SMAD9: variants seen among roughly 807,000 people sequenced by gnomAD.
SMAD9 encodes MAD homolog 9.
A neutral mutation model predicts 46.1 loss-of-function variants in SMAD9; 36 were observed. That is an observed-to-expected ratio of 0.78 (90% CI 0.60 to 1.03). The LOEUF is 1.03. Ranked by LOEUF, SMAD9 falls within the 50% of genes least tolerant of loss-of-function variation. SMAD9 has a pLI of 0.00. For synonymous variants in SMAD9, 245 were observed against 237.1 expected, an observed-to-expected ratio of 1.03 and a Z score of -0.31; for missense variants, 572 against 599.8, an observed-to-expected ratio of 0.95 and a Z score of 0.48.
At chr13:36,869,405 A>G (rs1441547801) in intron 3 of SMAD9, among the ~76,000 whole-genome samples, 5 of 152,074 alleles carry the variant, frequency 3.3e-5, no homozygotes, top group Admixed American at 2.0e-4. Context: ...TATTTTTAGT[A>G]GAGACAGGGT....
chr13:36,861,278 A>G (rs900064313), intron 5 of SMAD9, among the ~76,000 whole-genome samples: 2 of 152,174 alleles, frequency 1.3e-5, no homozygotes, highest in South Asian at 2.1e-4. Context: ...ATTGATATCT[A>G]CTGGGTAGGG....
chr13:36,856,798 C>CTTTTTTTT (rs34107763), intron 5 of SMAD9, among the ~76,000 whole-genome samples: 1 of 123,434 alleles, frequency 8.1e-6, no homozygotes, highest in African/African-American at 3.3e-5. Flanking sequence ...GTGACCTGCA[C>CTTTTTTTT]TTTTTTTTTT....
chr13:36,879,910 CG>C, intron 1 of SMAD9, 35 bp from the exon 2 acceptor site: 1 of 579,752 alleles, frequency 1.7e-6, no homozygotes, highest in South Asian at 2.0e-5. Context: ...TTAGCTTAAT[CG>C]GAGTAACATT....
At chr13:36,909,956 G>A (rs554410304) in intron 1 of SMAD9, among the ~76,000 whole-genome samples, 3 of 152,280 alleles carry the variant, frequency 2.0e-5, no homozygotes, top group East Asian at 3.9e-4. Flanking sequence ...CCAGCATTTT[G>A]GGAGGCCGAG....
intron 1 of SMAD9, among the ~76,000 whole-genome samples, chr13:36,882,227 CTG>C (rs61006734): frequency 0.024 from 3,625 of 149,360 alleles, 67 homozygotes; most frequent in East Asian, 0.055. Flanking sequence ...CAGGTATGTG[CTG>C]TGTGTGTGTG....
intron 1 of SMAD9, among the ~76,000 whole-genome samples, chr13:36,883,750 C>CA (rs2058423005): frequency 6.6e-6 from 1 of 152,148 alleles, no homozygotes; most frequent in Non-Finnish European, 1.5e-5. Context: ...GACCCTGTCT[C>CA]AAAAAATAAT....
intron 2 of SMAD9, among the ~76,000 whole-genome samples, chr13:36,877,277 G>A (rs906572476): frequency 7.9e-5 from 12 of 152,170 alleles, no homozygotes; most frequent in African/African-American, 2.4e-4. Context: ...CAGGAGAATC[G>A]CTTGAACTGG....
intron 2 of SMAD9, among the ~76,000 whole-genome samples, chr13:36,874,077 G>C (rs1356752846): frequency 6.6e-6 from 1 of 152,190 alleles, no homozygotes; most frequent in Non-Finnish European, 1.5e-5. Flanking sequence ...GCATAAAGTA[G>C]CTACTCCAAA....
intron 2 of SMAD9, among the ~76,000 whole-genome samples, chr13:36,873,290 A>C (rs1323210337): frequency 6.6e-6 from 1 of 152,140 alleles, no homozygotes; most frequent in Non-Finnish European, 1.5e-5. Context: ...TGGCAACCTG[A>C]TTGTTACGTC....
intron 5 of SMAD9, among the ~76,000 whole-genome samples, chr13:36,853,928 G>A (rs2058098331): frequency 6.6e-6 from 1 of 152,182 alleles, no homozygotes; most frequent in Non-Finnish European, 1.5e-5. Context: ...GAAGCCCGAC[G>A]TGGGCAGATC....
chr13:36,868,620 C>A (rs1218566912), intron 3 of SMAD9, among the ~76,000 whole-genome samples: 1 of 152,048 alleles, frequency 6.6e-6, no homozygotes, highest in Non-Finnish European at 1.5e-5. Context: ...CACCTGTAAT[C>A]CTAGCTACTC....
At chr13:36,917,989 GTAAAGA>G (rs1196461782) in intron 1 of SMAD9, among the ~76,000 whole-genome samples, 1 of 123,876 alleles carries the variant, frequency 8.1e-6, no homozygotes, top group East Asian at 2.3e-4. Context: ...CACATGATTA[GTAAAGA>G]TAGTGTACCA....
At chr13:36,897,849 CTTTTTTTTT>C (rs574741770) in intron 1 of SMAD9, among the ~76,000 whole-genome samples, 1 of 90,018 alleles carries the variant, frequency 1.1e-5, no homozygotes, top group African/African-American at 4.4e-5. Context: ...TGTCCTGTGT[CTTTTTTTTT>C]TTTTTTTTTT....
At chr13:36,907,924 C>T (rs1258720386) in intron 1 of SMAD9, among the ~76,000 whole-genome samples, 1 of 152,148 alleles carries the variant, frequency 6.6e-6, no homozygotes, top group African/African-American at 2.4e-5. Context: ...AGGTAAAATG[C>T]TGGGAAATCT....
intron 5 of SMAD9, among the ~76,000 whole-genome samples, chr13:36,863,768 G>T (rs548337752): frequency 4.6e-5 from 7 of 152,222 alleles, no homozygotes; most frequent in Non-Finnish European, 8.8e-5. Flanking sequence ...GCCTTACACA[G>T]TGATTTTCAG....
chr13:36,884,942 G>C (rs1158286873), intron 1 of SMAD9, among the ~76,000 whole-genome samples: 1 of 152,204 alleles, frequency 6.6e-6, no homozygotes, highest in Non-Finnish European at 1.5e-5. Flanking sequence ...GCACTTGTTT[G>C]TTCTGCGAGG....
rs1205054074 is a variant in SMAD9 at position 36,865,753 on chromosome 13, G to C, written c.787C>G (p.Arg263Gly). Reference protein sequence around the residue: ...VVLSIPNGDFRPVCYEEPQHW... With the variant: ...VVLSIPNGDFGPVCYEEPQHW... ...TGGGGCTCCTCGTAACAAACTGGTC[G>C]AAAGTCTGGAAGAAAACAAACCAGA... is the stretch of plus-strand genomic sequence containing the variant. The change falls in exon 5 of 7, where the codon CGA becomes GGA. Residue 263 changes from arginine (R) to glycine (G), a missense_variant. Physicochemically the swap from Arg to Gly is moderately radical, Grantham distance 125 (BLOSUM62 -2). Coordinates refer to ENST00000379826, the MANE Select transcript of SMAD9 (RefSeq NM_001127217.3). The C allele has an allele frequency of 2.5e-6, 4 of 1,613,426 alleles. No individual in the cohort carries two copies. The highest frequency in any genetic ancestry group is 1.1e-5 in the South Asian group (1 of 90,992).
At chr13:36,861,320 A>AT (rs879623278) in intron 5 of SMAD9, among the ~76,000 whole-genome samples, 112 of 147,574 alleles carry the variant, frequency 7.6e-4, no homozygotes, top group South Asian at 2.4e-3. Flanking sequence ...AATAAAAAGA[A>AT]TTTTTTTTTT....
intron 6 of SMAD9, chr13:36,850,195 A>G (rs1265998927): frequency 1.3e-5 from 2 of 152,202 alleles, no homozygotes; most frequent in Non-Finnish European, 2.9e-5. Flanking sequence ...CATTTGATTT[A>G]GTTCATCACA....
Sources: gnomAD v4.1 joint callset for allele counts (sites outside exome capture counted in the v4.1 genomes callset) on GRCh38, gnomAD v4.1.1 for gene constraint, MANE v1.5 for transcripts, NCBI Gene and HGNC (gene_info 2026-07-23, HGNC 2026-07-21) for gene names.